The following NAP1L1 variants were observed in gnomAD, a reference collection of about 807,000 sequenced individuals.
NAP1L1 encodes nucleosome assembly protein 1-like 1.
Under a neutral mutation model 58.9 loss-of-function variants are expected in NAP1L1, and 9 were observed. That is an observed-to-expected ratio of 0.15 (90% confidence interval 0.09 to 0.27). NAP1L1 has a LOEUF of 0.27. Among genes scored for constraint, NAP1L1 ranks in the 10% least tolerant of loss-of-function variants. The pLI is 1.00. For synonymous variants in NAP1L1, 130 were observed against 138.3 expected (o/e 0.94, Z 0.42); for missense variants, 302 against 458.8 (o/e 0.66, Z 3.12).
At chr12:76,078,630 A>T (rs1950287714) in intron 1 of NAP1L1, among the ~76,000 whole-genome samples, 3 of 152,218 alleles carry the variant, frequency 2.0e-5, no homozygotes, top group Admixed American at 1.3e-4. Context: ...ATATAACAAA[A>T]TTTGGAAAAC....
In NAP1L1 at chr12:76,061,135, C is replaced by T. The variant is rs143194116; in HGVS notation, c.207-856G>A. 222 of 328,320 alleles carry T rather than the reference C, an allele frequency of 6.8e-4. 1 individual carries two copies. Among genetic ancestry groups the T allele is most frequent in the African/African-American group, 4.2e-3 (192 of 45,574 alleles). 20.3% of individuals were successfully genotyped at this position (328,320 alleles called of 1,614,324 possible). A position where few individuals can be genotyped will look rare whatever the true frequency, so the allele number is the denominator to read the frequency against. The stretch of plus-strand genomic sequence containing the variant: ...CTTTGATGAGATAAAGTTCATACAC[C>T]ATACAATGAACTGTGAAGCACTATT... On this transcript the variant is annotated intron_variant, in intron 4 of 14. Coordinates refer to ENST00000618691, the MANE Select transcript of NAP1L1 (RefSeq NM_004537.7).
chr12:76,082,633 A>C (rs1950453681), intron 1 of NAP1L1, among the ~76,000 whole-genome samples: 1 of 152,240 alleles, frequency 6.6e-6, no homozygotes, highest in South Asian at 2.1e-4. Context: ...TCCAAAGGAC[A>C]GTATTCTTAG....
intron 9 of NAP1L1, 132 bp from the exon 10 acceptor site, chr12:76,053,482 T>A: frequency 9.3e-7 from 1 of 1,070,906 alleles, no homozygotes; most frequent in Non-Finnish European, 1.3e-6. Context: ...TATAGCAGTA[T>A]AAAGGGAAAA....
intron 11 of NAP1L1, 35 bp downstream of exon 11, chr12:76,053,056 T>G: frequency 6.4e-7 from 1 of 1,574,588 alleles, no homozygotes; most frequent in South Asian, 1.2e-5. Flanking sequence ...CAAATATACT[T>G]AACAATTCAA....
At chr12:76,057,850 A>G (rs907327265) in intron 6 of NAP1L1, 1 of 1,496,998 alleles carries the variant, frequency 6.7e-7, no homozygotes, top group African/African-American at 1.4e-5. Flanking sequence ...GGGTCAAATA[A>G]AACAAAAAAA....
rs1948545425 is a variant in NAP1L1 at position 76,040,931 on chromosome 12, A to G, written c.*7498T>C. 1 of 152,228 alleles carries G rather than the reference A, an allele frequency of 6.6e-6. No homozygotes were observed. Among genetic ancestry groups the G allele is most frequent in the African/African-American group, 2.4e-5 (1 of 41,448 alleles). The allele number at this position is 152,228 out of a possible 1,614,324, so 9.4% of individuals were successfully genotyped here. ...TTACAGTATATAATACACATAACATACAAAGTGTGTGTTAAATGACTTATT... is the reference window on the plus strand; with the variant it reads ...TTACAGTATATAATACACATAACATGCAAAGTGTGTGTTAAATGACTTATT... On this transcript the variant is annotated 3_prime_UTR_variant, in exon 15 of 15. Transcript: ENST00000618691.
At chr12:76,083,504 A>G (rs1243861518) in intron 1 of NAP1L1, among the ~76,000 whole-genome samples, 1 of 148,768 alleles carries the variant, frequency 6.7e-6, no homozygotes, top group African/African-American at 2.5e-5. Context: ...AACCTCATGA[A>G]TTTGTGTTGG....
chr12:76,069,445 G>A (rs1031516759), intron 2 of NAP1L1, among the ~76,000 whole-genome samples: 1 of 152,172 alleles, frequency 6.6e-6, no homozygotes, highest in African/African-American at 2.4e-5. Flanking sequence ...TTTCTTTGAG[G>A]AAGTATCCTT....
Position 76,040,366 on chromosome 12 carries a change from AAG to A in NAP1L1, c.*8061_*8062del, listed in dbSNP as rs1003175912. 3.9e-5 allele frequency: 6 copies of A among 152,134 alleles called. No individual in the cohort carries two copies. Among genetic ancestry groups the A allele is most frequent in the Admixed American group, 3.9e-4 (6 of 15,268 alleles). 9.4% of individuals were successfully genotyped at this position (152,134 alleles called of 1,614,324 possible). A position where few individuals can be genotyped will look rare whatever the true frequency, so the allele number is the denominator to read the frequency against. The stretch of plus-strand genomic sequence containing the variant: ...GACTCTTGAATATCAAATTTGAACT[AAG>A]AGGGTCCACTTACAGGTTTACTTCT... On this transcript the variant is annotated 3_prime_UTR_variant, in exon 15 of 15. Coordinates refer to ENST00000618691, the MANE Select transcript of NAP1L1 (RefSeq NM_004537.7).
At chr12:76,071,500 T>C (rs889520406) in intron 2 of NAP1L1, among the ~76,000 whole-genome samples, 1 of 152,154 alleles carries the variant, frequency 6.6e-6, no homozygotes, top group Non-Finnish European at 1.5e-5. Context: ...AGGCTAACAC[T>C]GAAATCAAAG....
chr12:76,066,970 T>C (rs982673821), intron 4 of NAP1L1, among the ~76,000 whole-genome samples: 1 of 152,014 alleles, frequency 6.6e-6, no homozygotes, highest in Admixed American at 6.6e-5. Flanking sequence ...AATTAACATA[T>C]AGACAGTAAC....
At chr12:76,074,150 G>A in intron 2 of NAP1L1, 53 bp downstream of exon 2, 2 of 1,372,594 alleles carry the variant, frequency 1.5e-6, no homozygotes, top group Non-Finnish European at 2.1e-6. Context: ...GTTAAGAACA[G>A]AGTACAAAGT....
At chr12:76,073,208 T>C (rs1030300673) in intron 2 of NAP1L1, among the ~76,000 whole-genome samples, 4 of 152,150 alleles carry the variant, frequency 2.6e-5, no homozygotes, top group African/African-American at 9.7e-5. Context: ...AAATTCTTAT[T>C]TGTACTTCTA....
chr12:76,076,592 A>ATATATATATATATATC (rs1565747788), intron 1 of NAP1L1, among the ~76,000 whole-genome samples: 3 of 139,674 alleles, frequency 2.1e-5, no homozygotes, highest in Non-Finnish European at 3.1e-5. Context: ...ATATATATAT[A>ATATATATATATATATC]TCTCCACTCA....
intron 1 of NAP1L1, among the ~76,000 whole-genome samples, chr12:76,083,268 T>A (rs1950476020): frequency 6.6e-6 from 1 of 152,094 alleles, no homozygotes; most frequent in African/African-American, 2.4e-5. Flanking sequence ...AAGGAAACCG[T>A]TAAGTATCTT....
At chr12:76,077,787 C>A (rs1408014383) in intron 1 of NAP1L1, among the ~76,000 whole-genome samples, 3 of 151,594 alleles carry the variant, frequency 2.0e-5, no homozygotes, top group Non-Finnish European at 2.9e-5. Context: ...AGTTAGAGAC[C>A]AGCCTGGGCA....
At chr12:76,051,549 A>G (rs1202351003) in intron 11 of NAP1L1, among the ~76,000 whole-genome samples, 2 of 152,126 alleles carry the variant, frequency 1.3e-5, no homozygotes, top group African/African-American at 4.8e-5. Flanking sequence ...TGCCCCTAGC[A>G]CTTTTCTTTT....
chr12:76,053,148 G>C (rs1164487307), intron 10 of NAP1L1, 38 bp from the exon 11 acceptor site: 2 of 1,612,198 alleles, frequency 1.2e-6, no homozygotes, highest in Non-Finnish European at 1.7e-6. Flanking sequence ...TGAATAAGAA[G>C]CTAAGCAATG....
intron 11 of NAP1L1, 64 bp from the exon 12 acceptor site, chr12:76,050,717 T>C (rs765160242): frequency 2.7e-5 from 42 of 1,542,922 alleles, no homozygotes; most frequent in South Asian, 7.6e-5. Context: ...ATTTGGCACA[T>C]GTAAGACTCT....
Sources: allele counts gnomAD v4.1 joint callset (sites outside exome capture counted in the v4.1 genomes callset), GRCh38; gene constraint gnomAD v4.1.1; transcripts MANE v1.5; gene names NCBI Gene and HGNC (gene_info 2026-07-23, HGNC 2026-07-21).